The following GMPR variants were observed in gnomAD, a reference collection of about 807,000 sequenced individuals.
GMPR encodes GMP reductase 1.
GMPR carries 31 observed loss-of-function variants against 38.4 expected under a neutral mutation model. The observed-to-expected ratio is 0.81, with a 90% confidence interval of 0.61 to 1.09. The LOEUF (loss-of-function observed/expected upper bound fraction) is 1.09. Ranked by LOEUF, GMPR falls within the 50% of genes least tolerant of loss-of-function variation. GMPR has a pLI of 0.00. For synonymous variants in GMPR, 162 were observed against 173.3 expected, an observed-to-expected ratio of 0.93 and a Z score of 0.51; for missense variants, 468 against 453.7, an observed-to-expected ratio of 1.03 and a Z score of -0.29.
intron 1 of GMPR, among the ~76,000 whole-genome samples, chr6:16,245,378 C>T (rs551147580): frequency 7.2e-5 from 11 of 152,150 alleles, no homozygotes; most frequent in African/African-American, 2.2e-4. Context: ...AGGGCCAGAG[C>T]GGTCCCATGG....
At chr6:16,266,149 TA>T (rs1478628815) in intron 4 of GMPR, among the ~76,000 whole-genome samples, 2 of 119,920 alleles carry the variant, frequency 1.7e-5, no homozygotes, top group African/African-American at 4.8e-5. Context: ...TTAAGAGCTG[TA>T]ACACTTGCCA....
In GMPR at chr6:16,246,917, A is replaced by G. The variant is rs764908312; in HGVS notation, c.163A>G (p.Met55Val). 9 of 1,613,632 alleles carry G rather than the reference A, an allele frequency of 5.6e-6. No homozygotes were observed. Among genetic ancestry groups the G allele is most frequent in the South Asian group, 4.4e-5 (4 of 91,086 alleles). ...AGGGATTCCCATCATCGTGGCCAACATGGACACTGTGGGCACGTTTGAGAT... is the reference window on the plus strand; with the variant it reads ...AGGGATTCCCATCATCGTGGCCAACGTGGACACTGTGGGCACGTTTGAGAT... ...YSGIPIIVAN[M>V]DTVGTFEMAA... Residue 55 changes from methionine (M) to valine (V), a missense_variant, in exon 2 of 9, where the codon ATG (methionine) becomes GTG (valine). Physicochemically the swap from Met to Val is conservative, Grantham distance 21 (BLOSUM62 1). Transcript: ENST00000259727.
At chr6:16,260,390 T>A (rs1366836400) in intron 4 of GMPR, among the ~76,000 whole-genome samples, 1 of 152,028 alleles carries the variant, frequency 6.6e-6, no homozygotes. Flanking sequence ...AGGAAATGAC[T>A]GTGGTGGCCT....
intron 6 of GMPR, among the ~76,000 whole-genome samples, chr6:16,282,934 G>A (rs1045919914): frequency 2.0e-5 from 3 of 151,190 alleles, no homozygotes; most frequent in African/African-American, 4.9e-5. Context: ...TCAGCCTCCC[G>A]AGTAGCTGGG....
At chr6:16,288,562 G>T (rs994571978) in intron 7 of GMPR, among the ~76,000 whole-genome samples, 1 of 152,170 alleles carries the variant, frequency 6.6e-6, no homozygotes, top group African/African-American at 2.4e-5. Flanking sequence ...CTCCTGTGCG[G>T]CGGGAGCCTC....
At chr6:16,257,383 T>C (rs924863648) in intron 4 of GMPR, among the ~76,000 whole-genome samples, 1 of 152,202 alleles carries the variant, frequency 6.6e-6, no homozygotes, top group Non-Finnish European at 1.5e-5. Context: ...CCATAAGTGG[T>C]CATCCTTTAT....
At chr6:16,287,395 C>T (rs1432375124) in intron 7 of GMPR, among the ~76,000 whole-genome samples, 2 of 152,168 alleles carry the variant, frequency 1.3e-5, no homozygotes, top group Admixed American at 6.5e-5. Flanking sequence ...TGAGAAGTGC[C>T]TTGTAGATCA....
chr6:16,290,598 C>G lies in GMPR; in HGVS notation c.834C>G (p.His278Gln). ...GMSSDTAMNKHAGGVAEYRAS... is the reference protein window; with the variant it reads ...GMSSDTAMNKQAGGVAEYRAS... ...GCTCTGACACCGCCATGAACAAGCA[C>G]GCAGGAGGAGTTGCTGAGTACAGGT... Residue 278 changes from histidine to glutamine, a missense_variant, in exon 8 of 9, where the codon CAC becomes CAG. By Grantham distance (24) the His-to-Gln change is conservative (BLOSUM62 0). Transcript: ENST00000259727. 1 of 1,614,112 alleles carries G rather than the reference C, an allele frequency of 6.2e-7. No individual in the cohort carries two copies. Among genetic ancestry groups the G allele is most frequent in the South Asian group, 1.1e-5 (1 of 91,082 alleles).
At chr6:16,292,238 AT>A (rs1759853256) in intron 8 of GMPR, among the ~76,000 whole-genome samples, 8 of 152,040 alleles carry the variant, frequency 5.3e-5, no homozygotes, top group Admixed American at 5.2e-4. Flanking sequence ...GATGTATTAT[AT>A]AAGGTTCATA....
Position 16,280,710 on chromosome 6 carries a change from A to G in GMPR, c.654+1820A>G, listed in dbSNP as rs376615429. Among the ~76,000 whole-genome samples the G allele has an allele frequency of 3.3e-5, 5 of 152,300 alleles. No individual in the cohort carries two copies. The East Asian group carries it at 7.7e-4, about 24-fold the overall frequency. On this transcript the variant is annotated intron_variant, in intron 6 of 8. Transcript: ENST00000259727. ...TCACCAGAGAGGCTTTTACAAATCA[A>G]CATTCCGGGACCCCATCCTAGTGAA...
intron 7 of GMPR, among the ~76,000 whole-genome samples, chr6:16,286,908 AAAT>A: frequency 6.6e-6 from 1 of 152,332 alleles, no homozygotes; most frequent in East Asian, 1.9e-4. Flanking sequence ...TGTCTCAAAA[AAAT>A]ATAAAAAATA....
chr6:16,253,834 C>G (rs1758920819), intron 3 of GMPR, among the ~76,000 whole-genome samples: 1 of 152,208 alleles, frequency 6.6e-6, no homozygotes, highest in Non-Finnish European at 1.5e-5. Flanking sequence ...GGCCATTTCT[C>G]CTTCTTCCTG....
chr6:16,286,778 C>A (rs1192303287), intron 7 of GMPR, among the ~76,000 whole-genome samples: 2 of 151,748 alleles, frequency 1.3e-5, no homozygotes, highest in Non-Finnish European at 2.9e-5. Flanking sequence ...TGGTGGTGCA[C>A]GCCTGTAATC....
intron 6 of GMPR, among the ~76,000 whole-genome samples, chr6:16,279,662 A>G (rs762589691): frequency 5.4e-4 from 82 of 152,194 alleles, no homozygotes; most frequent in Non-Finnish European, 1.1e-3. Context: ...AAAGAAGGGA[A>G]CAGAAAAGCA....
At chr6:16,285,018 AAAAAAAAAAAAAAAC>A (rs906428372) in intron 6 of GMPR, among the ~76,000 whole-genome samples, 5 of 110,942 alleles carry the variant, frequency 4.5e-5, no homozygotes, top group African/African-American at 1.5e-4. Context: ...AGACTGTCTC[AAAAAAAAAAAAAAAC>A]AAAAAAAAAA....
rs1177684963 is a variant in GMPR, at chr6:16,254,751, C to G, written c.465+16C>G. The G allele has an allele frequency of 1.9e-6, 3 of 1,586,626 alleles. No homozygotes were observed. The Admixed American group carries it at 5.0e-5, about 26-fold the overall frequency. On this transcript the variant is annotated intron_variant, in intron 4 of 8. Coordinates refer to ENST00000259727, the MANE Select transcript of GMPR (RefSeq NM_006877.4). ...CACCATTATGGTAAGTACGGTAGAA[C>G]ATTACGGTAGAACATTCTCAAGATG...
Position 16,249,734 on chromosome 6 carries a change from C to A in GMPR, c.208-550C>A, listed in dbSNP as rs1758831662. 2.0e-5 allele frequency among the ~76,000 whole-genome samples: 3 copies of A among 152,204 alleles called. No homozygotes were observed. In the South Asian group the frequency reaches 6.2e-4, roughly 31 times the overall value. On this transcript the variant is annotated intron_variant, in intron 2 of 8. Coordinates refer to ENST00000259727, the MANE Select transcript of GMPR (RefSeq NM_006877.4). Reference sequence around the variant, plus strand: ...ACAAAGCGGGTCATAAATGCTGGGGCAGTAGTCATAGGTTTAGGGTTATAC... The same window carrying A: ...ACAAAGCGGGTCATAAATGCTGGGGAAGTAGTCATAGGTTTAGGGTTATAC...
At chr6:16,248,216 CAAG>C (rs1484913444) in intron 2 of GMPR, among the ~76,000 whole-genome samples, 5 of 73,360 alleles carry the variant, frequency 6.8e-5, no homozygotes, top group Non-Finnish European at 9.8e-5. Context: ...GGTGACAGAG[CAAG>C]AAGACCCTGT....
At chr6:16,252,533 C>T (rs1300566180) in intron 3 of GMPR, among the ~76,000 whole-genome samples, 5 of 152,148 alleles carry the variant, frequency 3.3e-5, no homozygotes, top group South Asian at 2.1e-4. Flanking sequence ...CCACCATGCC[C>T]GGCCTCCCTC....
Sources: gnomAD v4.1 joint callset for allele counts (sites outside exome capture counted in the v4.1 genomes callset) on GRCh38, gnomAD v4.1.1 for gene constraint, MANE v1.5 for transcripts, NCBI Gene and HGNC (gene_info 2026-07-23, HGNC 2026-07-21) for gene names.